Variants in HCRTR1 observed in about 807,000 individuals in gnomAD.
HCRTR1 encodes the protein orexin/Hypocretin receptor type 1.
In HCRTR1, 28 loss-of-function variants were observed where a neutral mutation model predicts 40.6. The observed-to-expected ratio is 0.69, with a 90% confidence interval of 0.51 to 0.95. The LOEUF is 0.95. Ranked by LOEUF, HCRTR1 falls within the 40% of genes least tolerant of loss-of-function variation. The pLI is 0.00. For synonymous variants in HCRTR1, 209 were observed against 230.0 expected (o/e 0.91, Z 0.83); for missense variants, 482 against 564.7 (o/e 0.85, Z 1.48).
chr1:31,632,574 G>A (rs923737278), downstream of HCRTR1: 6 of 1,614,212 alleles, frequency 3.7e-6, no homozygotes, highest in Non-Finnish European at 5.1e-6. Flanking sequence ...ACTGCTGGAT[G>A]AATTTCCACA....
intron 5 of HCRTR1, 132 bp downstream of exon 5, chr1:31,621,218 C>T: frequency 3.2e-6 from 4 of 1,258,188 alleles, no homozygotes; most frequent in South Asian, 1.5e-5. Context: ...TAGGGGACAC[C>T]CTAGACTGGC....
downstream of HCRTR1, chr1:31,633,264 C>T (rs1296477248): frequency 5.0e-6 from 8 of 1,613,922 alleles, no homozygotes; most frequent in Admixed American, 5.0e-5. Flanking sequence ...TCTGAGTCCA[C>T]CGACTGGAAC....
At chr1:31,621,674 A>G in intron 6 of HCRTR1, 82 bp downstream of exon 6, 1 of 975,814 alleles carries the variant, frequency 1.0e-6, no homozygotes, top group Non-Finnish European at 1.6e-6. Flanking sequence ...CTGAGTAGGC[A>G]GTCCTCTGCC....
downstream of HCRTR1, among the ~76,000 whole-genome samples, chr1:31,628,455 C>T (rs1157401085): frequency 3.3e-5 from 5 of 152,200 alleles, no homozygotes; most frequent in Admixed American, 2.6e-4. Context: ...GGATCCAAAG[C>T]GGTTGGCACA....
downstream of HCRTR1, among the ~76,000 whole-genome samples, chr1:31,628,693 G>A (rs374044248): frequency 7.9e-4 from 121 of 152,372 alleles, no homozygotes; most frequent in African/African-American, 2.8e-3. Flanking sequence ...ACGCTCTGCT[G>A]GCTGAACCCA....
rs1639946167 is a variant in HCRTR1, at chr1:31,625,022, A to G, written c.991A>G (p.Ser331Gly). Residue 331 changes from serine (S) to glycine (G), a missense_variant, in exon 8 of 9, where the codon AGT becomes GGT. By Grantham distance (56) the Ser-to-Gly change is moderately conservative (BLOSUM62 0). Transcript: ENST00000403528. This position sits in a 1 kb window ranked among gnomAD's most constrained non-coding sequence, Gnocchi z 4.2. ...KRVFGMFRQASDREAVYACFT... is the reference protein window; with the variant it reads ...KRVFGMFRQAGDREAVYACFT... ...GGTGTTCGGGATGTTCCGCCAAGCC[A>G]GTGACCGCGAAGCTGTCTACGCCTG... 1 of 1,609,374 alleles carries G rather than the reference A, an allele frequency of 6.2e-7. No individual in the cohort carries two copies. The highest frequency in any genetic ancestry group is 1.7e-5 in the Admixed American group (1 of 59,718).
chr1:31,628,391 G>C (rs1307033962), downstream of HCRTR1, among the ~76,000 whole-genome samples: 5 of 152,260 alleles, frequency 3.3e-5, no homozygotes, highest in African/African-American at 1.2e-4. Context: ...CAGAGCTCTA[G>C]CTGCTGCCAG....
downstream of HCRTR1, chr1:31,630,913 T>G: frequency 7.8e-7 from 1 of 1,280,590 alleles, no homozygotes; most frequent in Non-Finnish European, 1.1e-6. Flanking sequence ...TCAGGAATAC[T>G]GGATCACAAC....
At chr1:31,624,576 G>A (rs535512881) in intron 7 of HCRTR1, among the ~76,000 whole-genome samples, 53 of 152,346 alleles carry the variant, frequency 3.5e-4, no homozygotes, top group African/African-American at 1.2e-3. Context: ...GGGCGCTGGG[G>A]AGAGAATGCA....
At chr1:31,621,136 A>C in intron 5 of HCRTR1, 50 bp downstream of exon 5, 1 of 1,570,764 alleles carries the variant, frequency 6.4e-7, no homozygotes, top group South Asian at 1.2e-5. Context: ...GCACTTTGGG[A>C]GCACGTACCC....
intron 6 of HCRTR1, among the ~76,000 whole-genome samples, chr1:31,622,766 C>A (rs1639884787): frequency 6.6e-6 from 1 of 152,194 alleles, no homozygotes; most frequent in Non-Finnish European, 1.5e-5. Context: ...CTGGCCCAGG[C>A]CATTCGATGC....
At chr1:31,623,137 TG>T (rs1217355783) in intron 6 of HCRTR1, among the ~76,000 whole-genome samples, 1 of 152,022 alleles carries the variant, frequency 6.6e-6, no homozygotes, top group Non-Finnish European at 1.5e-5. Context: ...AAGACCAGCC[TG>T]GCCAACGTGG....
intron 6 of HCRTR1, among the ~76,000 whole-genome samples, chr1:31,622,739 C>A (rs1372398170): frequency 6.6e-6 from 1 of 152,200 alleles, no homozygotes; most frequent in Non-Finnish European, 1.5e-5. Context: ...CCCAGAACCA[C>A]CCCAGGCTTA....
At chr1:31,630,428 C>CCCGG, downstream of HCRTR1, 1 of 648,620 alleles carries the variant, frequency 1.5e-6, no homozygotes. Flanking sequence ...TGGCCTCAGC[C>CCCGG]CCGGTCCTCA....
chr1:31,628,569 C>T (rs980747065), downstream of HCRTR1, among the ~76,000 whole-genome samples: 2 of 152,234 alleles, frequency 1.3e-5, no homozygotes, highest in African/African-American at 4.8e-5. Context: ...GTCTTGGGCT[C>T]CTCAGCCTCA....
At position 31,625,159 on chromosome 1, in the gene HCRTR1, C is replaced by A; in HGVS notation, c.1087+41C>A. 6.4e-7 allele frequency: 1 copy of A among 1,555,066 alleles called. No individual in the cohort carries two copies. Among genetic ancestry groups the A allele is most frequent in the Non-Finnish European group, 8.7e-7 (1 of 1,144,940 alleles). On this transcript the variant is annotated intron_variant, in intron 8 of 8. Transcript: ENST00000403528. The surrounding 1 kb of genome is among the most constrained non-coding windows in gnomAD (Gnocchi z 4.2). ...ATGCAAAATGACTGAGGGTGGCCAA[C>A]AGTCCACATGACAAGTCTCCCCATC...
At chr1:31,624,886 G>A in intron 7 of HCRTR1, 111 bp from the exon 8 acceptor site, 10 of 1,186,132 alleles carry the variant, frequency 8.4e-6, no homozygotes, top group Non-Finnish European at 1.1e-5. Flanking sequence ...GTGGACAGAA[G>A]TGGGCAGTAG....
At position 31,627,167 on chromosome 1, in the gene HCRTR1, A is replaced by G. The variant is rs182850094; in HGVS notation, c.*187A>G. ...GTTGATGTGAGGATTAAGCATGCTG[A>G]AGCAAGTGGAAAGCTCCTTGTAAAC... On this transcript the variant is annotated 3_prime_UTR_variant, in exon 9 of 9. Coordinates refer to ENST00000403528, the MANE Select transcript of HCRTR1 (RefSeq NM_001525.3). 7.0e-7 allele frequency: 1 copy of G among 1,436,930 alleles called. No individual in the cohort carries two copies. Among genetic ancestry groups the G allele is most frequent in the East Asian group, 2.5e-5 (1 of 40,294 alleles). 89.0% of individuals were successfully genotyped at this position (1,436,930 alleles called of 1,614,324 possible). A position where few individuals can be genotyped will look rare whatever the true frequency, so the allele number is the denominator to read the frequency against.
Position 31,619,651 on chromosome 1 carries a change from GA to G in HCRTR1, c.320del (p.Asp107AlafsTer29). ...AICLPASLLV[D>X]ITESWLFGHA... ...CTGCCTGCCGGCCAGCCTGCTGGTG[GA>G]CATCACTGAGTCCTGGCTGTTCGGC... On this transcript the variant is annotated frameshift_variant, in exon 4 of 9. Coordinates refer to ENST00000403528, the MANE Select transcript of HCRTR1 (RefSeq NM_001525.3). LOFTEE classifies it high-confidence loss of function. 12 of 1,613,818 alleles carry G rather than the reference GA, an allele frequency of 7.4e-6. No homozygotes were observed. Among genetic ancestry groups the G allele is most frequent in the Non-Finnish European group, 1.0e-5 (12 of 1,179,880 alleles).
Sources: gnomAD v4.1 joint callset for allele counts (sites outside exome capture counted in the v4.1 genomes callset) on GRCh38, gnomAD v4.1.1 for gene constraint, Gnocchi (gnomAD v3.1) non-coding constraint, MANE v1.5 for transcripts, NCBI Gene and HGNC (gene_info 2026-07-23, HGNC 2026-07-21) for gene names.